Variants in CLASP2 observed in about 807,000 individuals in gnomAD.
The protein encoded by CLASP2 is cytoplasmic linker associated protein 2.
A neutral mutation model predicts 194.4 loss-of-function variants in CLASP2; 47 were observed. The ratio of observed to expected loss-of-function variants is 0.24; its 90% CI spans 0.19 to 0.31. The LOEUF (loss-of-function observed/expected upper bound fraction) is 0.31. CLASP2 is among the 10% of genes least tolerant of loss of function. CLASP2 has a pLI of 1.00. For synonymous variants in CLASP2, 619 were observed against 633.5 expected (o/e 0.98, Z 0.34); for missense variants, 1,445 against 1,823.6 (o/e 0.79, Z 3.78).
chr3:33,659,234 A>T, intron 7 of CLASP2: 1 of 1,288,082 alleles, frequency 7.8e-7, no homozygotes, highest in South Asian at 3.0e-5. Flanking sequence ...CTTGATTAAG[A>T]TTACTCTTTA....
intron 34 of CLASP2, among the ~76,000 whole-genome samples, chr3:33,532,684 T>G (rs1465593667): frequency 6.6e-6 from 1 of 152,100 alleles, no homozygotes; most frequent in Admixed American, 6.6e-5. Context: ...AGAAAAGAAA[T>G]TTTATTTTTT....
chr3:33,583,735 G>T (rs1268776694), intron 22 of CLASP2, among the ~76,000 whole-genome samples: 1 of 152,076 alleles, frequency 6.6e-6, no homozygotes, highest in African/African-American at 2.4e-5. Flanking sequence ...TTAAATATGA[G>T]AATATTTTTT....
intron 30 of CLASP2, among the ~76,000 whole-genome samples, chr3:33,550,864 C>T (rs148578996): frequency 9.2e-5 from 14 of 152,204 alleles, no homozygotes; most frequent in African/African-American, 3.4e-4. Context: ...AAGCTAGGTC[C>T]TCACTTAACA....
intron 14 of CLASP2, 97 bp from the exon 15 acceptor site, chr3:33,607,558 G>C: frequency 1.5e-6 from 1 of 677,862 alleles, no homozygotes; most frequent in Non-Finnish European, 2.3e-6. Context: ...ATCACAAACA[G>C]GTAGGCGAGG....
chr3:33,565,975 T>A (rs1244200125), intron 27 of CLASP2, among the ~76,000 whole-genome samples: 1 of 152,182 alleles, frequency 6.6e-6, no homozygotes, highest in Non-Finnish European at 1.5e-5. Context: ...CAGGCGTCTG[T>A]GTCCCTCTCT....
At chr3:33,660,047 G>C (rs1357744704) in intron 7 of CLASP2, among the ~76,000 whole-genome samples, 1 of 152,148 alleles carries the variant, frequency 6.6e-6, no homozygotes, top group Non-Finnish European at 1.5e-5. Context: ...CTTTACTAAT[G>C]ATTGCATGGC....
At chr3:33,514,433 G>A (rs1169822827) in intron 36 of CLASP2, 3 of 154,100 alleles carry the variant, frequency 1.9e-5, no homozygotes, top group African/African-American at 7.2e-5. Context: ...CTAATCCAAG[G>A]TAACAAAGAT....
intron 6 of CLASP2, among the ~76,000 whole-genome samples, chr3:33,675,387 A>AC (rs565356304): frequency 0.013 from 2,034 of 151,598 alleles, 23 homozygotes; most frequent in Non-Finnish European, 0.021. Context: ...AAATTCAACA[A>AC]CCTTCATGCT....
chr3:33,596,542 TA>T, intron 19 of CLASP2, 168 bp downstream of exon 19: 1 of 660,896 alleles, frequency 1.5e-6, no homozygotes, highest in Non-Finnish European at 2.7e-6. Context: ...TAGATATCCC[TA>T]ACCCCAAATT....
chr3:33,559,468 A>G (rs530609623), intron 28 of CLASP2, 83 bp from the exon 29 acceptor site: 1 of 745,934 alleles, frequency 1.3e-6, no homozygotes, highest in South Asian at 1.6e-5. Flanking sequence ...CTTAATACCA[A>G]AACATAATGT....
intron 8 of CLASP2, chr3:33,644,277 C>A: frequency 6.5e-6 from 1 of 154,100 alleles, no homozygotes; most frequent in Non-Finnish European, 1.4e-5. Context: ...TTTACTTGAC[C>A]ACCACCCATC....
At chr3:33,538,676 G>A in intron 33 of CLASP2, 113 bp downstream of exon 33, 1 of 857,902 alleles carries the variant, frequency 1.2e-6, no homozygotes, top group Non-Finnish European at 1.7e-6. Flanking sequence ...TACTTGTAGA[G>A]TGACTGATCC....
At chr3:33,660,000 T>C (rs1474046080) in intron 7 of CLASP2, among the ~76,000 whole-genome samples, 3 of 152,234 alleles carry the variant, frequency 2.0e-5, no homozygotes, top group Non-Finnish European at 4.4e-5. Flanking sequence ...ACAATTCTTT[T>C]CCTAGCAACT....
chr3:33,619,774 T>G (rs1317404353), intron 11 of CLASP2, 36 bp from the exon 12 acceptor site: 1 of 1,483,706 alleles, frequency 6.7e-7, no homozygotes, highest in Non-Finnish European at 9.1e-7. Context: ...TTTAATAGTT[T>G]AACATTAAAT....
chr3:33,622,193 T>G lies in CLASP2; in HGVS notation c.1123A>C (p.Lys375Gln). 1 of 1,605,122 alleles carries G rather than the reference T, an allele frequency of 6.2e-7. No homozygotes were observed. Among genetic ancestry groups the G allele is most frequent in the Non-Finnish European group, 8.5e-7 (1 of 1,175,788 alleles). ...GATCTAAGATCCTTAGCTGAAAGTT[T>G]AAGTGCTCCATCCAACAATCGTAAA... ...QHLRLLDGAL[K>Q]LSAKDLRSQV... The change falls in exon 11 of 39, where the codon AAA (lysine) becomes CAA (glutamine). Residue 375 changes from lysine (K) to glutamine (Q), a missense_variant. Lys to Gln is a moderately conservative substitution (Grantham distance 53, BLOSUM62 1). Around this residue, in one of 4 missense-constraint regions of CLASP2, gnomAD observed 207 missense variants for 331.4 expected, o/e 0.62. Transcript: ENST00000682230.
At chr3:33,693,422 A>G (rs1267317895) in intron 2 of CLASP2, among the ~76,000 whole-genome samples, 4 of 152,186 alleles carry the variant, frequency 2.6e-5, no homozygotes, top group African/African-American at 9.6e-5. Flanking sequence ...ACATAATTCA[A>G]TTCAACTCCT....
At chr3:33,571,309 G>A (rs1032367661) in intron 25 of CLASP2, among the ~76,000 whole-genome samples, 26 of 150,474 alleles carry the variant, frequency 1.7e-4, no homozygotes, top group Non-Finnish European at 1.6e-4. Flanking sequence ...CACCGCGCCC[G>A]GCCTGTCTCT....
At chr3:33,610,676 AC>A (rs1160275487) in intron 13 of CLASP2, among the ~76,000 whole-genome samples, 4 of 151,820 alleles carry the variant, frequency 2.6e-5, no homozygotes, top group African/African-American at 4.8e-5. Context: ...CATATTCTTC[AC>A]CCCCATCCCC....
intron 6 of CLASP2, among the ~76,000 whole-genome samples, chr3:33,665,309 A>C (rs2085999281): frequency 6.6e-6 from 1 of 152,134 alleles, no homozygotes; most frequent in African/African-American, 2.4e-5. Flanking sequence ...TCTGGATGTA[A>C]GCAGCTTTAG....
Sources: allele counts gnomAD v4.1 joint callset (sites outside exome capture counted in the v4.1 genomes callset), GRCh38; gene constraint gnomAD v4.1.1; regional missense constraint gnomAD v4.1.1; transcripts MANE v1.5; gene names NCBI Gene and HGNC (gene_info 2026-07-23, HGNC 2026-07-21).